Variants in CLDN14 observed in about 807,000 individuals in gnomAD.
CLDN14 encodes the protein claudin-14.
A neutral mutation model predicts 2.1 loss-of-function variants in CLDN14; 2 were observed. The ratio of observed to expected loss-of-function variants is 0.96; its 90% CI spans 0.39 to 3.01. The LOEUF (loss-of-function observed/expected upper bound fraction) is 3.01, where lower values mean the gene tolerates loss of function less well. Among genes scored for constraint, CLDN14 ranks in the 30% most tolerant of loss-of-function variants. The probability of loss-of-function intolerance (pLI) is 0.09; values close to 1 mark genes in which losing one functional copy is unlikely to be tolerated. For synonymous variants in CLDN14, 136 were observed against 154.4 expected, an observed-to-expected ratio of 0.88 and a Z score of 0.88; for missense variants, 298 against 328.0, an observed-to-expected ratio of 0.91 and a Z score of 0.71.
chr21:36,541,301 G>A (rs946189170), intron 1 of CLDN14, among the ~76,000 whole-genome samples: 1 of 152,176 alleles, frequency 6.6e-6, no homozygotes, highest in Non-Finnish European at 1.5e-5. Context: ...TTTTAAAGAT[G>A]ATTTGAAATG....
chr21:36,547,184 T>C (rs2087531439), intron 1 of CLDN14, among the ~76,000 whole-genome samples: 1 of 152,212 alleles, frequency 6.6e-6, no homozygotes, highest in African/African-American at 2.4e-5. Context: ...ATAGGTTTGG[T>C]GGTTTATAGG....
intron 1 of CLDN14, among the ~76,000 whole-genome samples, chr21:36,530,625 C>T (rs2087372228): frequency 6.6e-6 from 1 of 152,206 alleles, no homozygotes; most frequent in South Asian, 2.1e-4. Flanking sequence ...CAAGCCACAA[C>T]AGATACAAGC....
At chr21:36,526,060 A>G (rs2000547) in intron 1 of CLDN14, among the ~76,000 whole-genome samples, 124,940 of 152,020 alleles carry the variant, frequency 0.82, 51,829 homozygotes, top group Middle Eastern at 0.91. Context: ...GTTCCTACAG[A>G]GCCCCATGCT....
intron 1 of CLDN14, among the ~76,000 whole-genome samples, chr21:36,467,490 C>T (rs2086660820): frequency 1.3e-5 from 2 of 151,420 alleles, no homozygotes; most frequent in South Asian, 4.2e-4. Flanking sequence ...GCTGGGGCCT[C>T]TGTCAGTCCA....
intron 1 of CLDN14, among the ~76,000 whole-genome samples, chr21:36,538,857 TG>T (rs981323577): frequency 2.0e-5 from 3 of 152,148 alleles, no homozygotes; most frequent in African/African-American, 7.2e-5. Flanking sequence ...AACTCAGGAA[TG>T]GGCAGACATA....
chr21:36,526,928 T>C (rs1039562458), intron 1 of CLDN14, among the ~76,000 whole-genome samples: 1 of 152,232 alleles, frequency 6.6e-6, no homozygotes, highest in African/African-American at 2.4e-5. Flanking sequence ...GGATGTTGAA[T>C]GGCAAAATCT....
intron 1 of CLDN14, among the ~76,000 whole-genome samples, chr21:36,554,435 G>GC (rs1172252091): frequency 6.6e-6 from 1 of 152,208 alleles, no homozygotes; most frequent in Non-Finnish European, 1.5e-5. Flanking sequence ...GAAAGCAGAG[G>GC]CAGGTGCGTA....
chr21:36,489,120 A>AAAAAAAAAAT (rs1568855367), intron 2 of CLDN14, among the ~76,000 whole-genome samples: 3 of 73,468 alleles, frequency 4.1e-5, no homozygotes, highest in Non-Finnish European at 6.1e-5. Flanking sequence ...TCTCAAAGAA[A>AAAAAAAAAAT]AAAAAAAAAA....
intron 1 of CLDN14, chr21:36,477,642 AG>A (rs1289083199): frequency 8.2e-6 from 1 of 122,248 alleles, no homozygotes; most frequent in African/African-American, 4.6e-5. Flanking sequence ...TAAGCCTGGC[AG>A]GTCCCCCCGA....
At chr21:36,511,440 C>T (rs933247994) in intron 1 of CLDN14, among the ~76,000 whole-genome samples, 1 of 152,182 alleles carries the variant, frequency 6.6e-6, no homozygotes, top group Admixed American at 6.5e-5. Flanking sequence ...GTCTTAGTAA[C>T]AGGGACCAGA....
At chr21:36,468,150 C>T (rs1405669943) in intron 1 of CLDN14, among the ~76,000 whole-genome samples, 1 of 152,232 alleles carries the variant, frequency 6.6e-6, no homozygotes. Context: ...TGAAGTGCCA[C>T]CTTCAAATGA....
intron 1 of CLDN14, among the ~76,000 whole-genome samples, chr21:36,478,030 G>A (rs73902534): frequency 0.072 from 10,921 of 152,216 alleles, 538 homozygotes; most frequent in East Asian, 0.17. Flanking sequence ...CTTACTCTGC[G>A]TAATGAAAGA....
chr21:36,500,858 G>A (rs979202971), intron 2 of CLDN14, among the ~76,000 whole-genome samples: 10 of 152,242 alleles, frequency 6.6e-5, no homozygotes, highest in East Asian at 5.8e-4. Context: ...AATAGACACC[G>A]CCTTATCTTT....
At chr21:36,548,131 C>A (rs1568877754) in intron 1 of CLDN14, among the ~76,000 whole-genome samples, 1 of 152,082 alleles carries the variant, frequency 6.6e-6, no homozygotes, top group Non-Finnish European at 1.5e-5. Flanking sequence ...TTCCACCAGG[C>A]ACACCCTCTG....
intron 2 of CLDN14, among the ~76,000 whole-genome samples, chr21:36,500,344 C>G (rs1015753456): frequency 6.6e-6 from 1 of 152,200 alleles, no homozygotes; most frequent in African/African-American, 2.4e-5. Flanking sequence ...ATAACAGTGA[C>G]GCCTCGGACA....
rs780070024 is a variant in CLDN14, at chr21:36,460,932, G to A, written c.*44C>T. On this transcript the variant is annotated 3_prime_UTR_variant, in exon 2 of 2. Coordinates refer to ENST00000399135, the MANE Select transcript of CLDN14 (RefSeq NM_001146079.2). The surrounding 1 kb of genome is among the most constrained non-coding windows in gnomAD (Gnocchi z 4.0). ...TGCCTCCATTGACAGTCCCGCCGGG[G>A]ACCCAGCCCACAGCAGCCCAGGGGA... 15 of 1,598,150 alleles carry A rather than the reference G, an allele frequency of 9.4e-6. No homozygotes were observed. In the East Asian group the frequency reaches 2.5e-4, roughly 26 times the overall value.
intron 1 of CLDN14, among the ~76,000 whole-genome samples, chr21:36,566,667 T>A (rs1402433228): frequency 1.3e-5 from 2 of 152,210 alleles, no homozygotes; most frequent in Non-Finnish European, 2.9e-5. Flanking sequence ...CCCTTCCAAA[T>A]GTGGGCACCA....
intron 1 of CLDN14, among the ~76,000 whole-genome samples, chr21:36,572,120 A>T (rs2087714051): frequency 6.6e-6 from 1 of 152,066 alleles, no homozygotes; most frequent in Admixed American, 6.5e-5. Context: ...GTACAGGGGA[A>T]CCTTTTTGCA....
chr21:36,519,140 T>C (rs1239110317), intron 1 of CLDN14, among the ~76,000 whole-genome samples: 4 of 152,226 alleles, frequency 2.6e-5, no homozygotes, highest in Admixed American at 6.5e-5. Context: ...CACGCCCCAT[T>C]TTTAGCTGGA....
Sources: gnomAD v4.1 joint callset for allele counts (sites outside exome capture counted in the v4.1 genomes callset) on GRCh38, gnomAD v4.1.1 for gene constraint, Gnocchi (gnomAD v3.1) non-coding constraint, MANE v1.5 for transcripts, NCBI Gene and HGNC (gene_info 2026-07-23, HGNC 2026-07-21) for gene names.